The following UIMC1 variants were observed in gnomAD, a reference collection of about 807,000 sequenced individuals.
The protein encoded by UIMC1 is ubiquitin interaction motif containing 1, also known as BRCA1-A complex subunit RAP80.
A neutral mutation model predicts 84.9 loss-of-function variants in UIMC1; 42 were observed. That is an observed-to-expected ratio of 0.49 (90% CI 0.39 to 0.64). UIMC1 has a LOEUF of 0.64. UIMC1 is among the 30% of genes least tolerant of loss of function. The pLI is 0.00. For missense variants in UIMC1, 825 were observed against 847.6 expected (o/e 0.97, Z 0.33); for synonymous variants, 281 against 293.0 (o/e 0.96, Z 0.42).
intron 6 of UIMC1, 147 bp from the exon 7 acceptor site, chr5:176,958,301 T>C: frequency 3.4e-6 from 2 of 584,408 alleles, no homozygotes; most frequent in Admixed American, 3.1e-5. Context: ...TAAGTGTCAA[T>C]AAAACAAGCA....
At chr5:177,015,598 T>C (rs572007431) in intron 1 of UIMC1, among the ~76,000 whole-genome samples, 1 of 152,348 alleles carries the variant, frequency 6.6e-6, no homozygotes, top group South Asian at 2.1e-4. Context: ...GCTCATTTTC[T>C]ATGTGGACTA....
In UIMC1 at chr5:177,022,064, G is replaced by A. The variant is rs144445136; in HGVS notation, c.-9+400C>T. On this transcript the variant is annotated intron_variant, in intron 1 of 5. Transcript: ENST00000509236. ...TTCCTGGAACTGCTGTGCTGGGAAT[G>A]CCAGTGAGGTTGCTACTACAATAAC... 2.3e-3 allele frequency among the ~76,000 whole-genome samples: 356 copies of A among 152,324 alleles called. 2 individuals are homozygous for A. The highest frequency in any genetic ancestry group is 8.1e-3 in the African/African-American group (336 of 41,580).
chr5:177,006,493 C>T (rs1001114348), intron 1 of UIMC1, 157 bp downstream of exon 1: 1 of 152,148 alleles, frequency 6.6e-6, no homozygotes, highest in Non-Finnish European at 1.5e-5. Flanking sequence ...GCGAGAGACA[C>T]ACCCCGGCAT....
intron 6 of UIMC1, among the ~76,000 whole-genome samples, chr5:176,966,296 G>C (rs1561840557): frequency 6.6e-6 from 1 of 152,132 alleles, no homozygotes; most frequent in Non-Finnish European, 1.5e-5. Flanking sequence ...TCGAAAGATA[G>C]GAATTGTTAT....
At position 176,969,246 on chromosome 5, in the gene UIMC1, A is replaced by G. The variant is rs1324278222; in HGVS notation, c.509T>C (p.Ile170Thr). ...VPPSLFKGSH[I>T]SQGNEAEERE... ...TTCCTCAGCCTCGTTTCCCTGACTG[A>G]TATGTGAGCCTTTAAACAGTGATGG... Residue 170 changes from isoleucine to threonine, a missense_variant, in exon 6 of 15, where the codon ATC (isoleucine) becomes ACC (threonine). Transcript: ENST00000511320. 1.2e-6 allele frequency: 2 copies of G among 1,614,050 alleles called. No individual in the cohort carries two copies. Among genetic ancestry groups the G allele is most frequent in the South Asian group, 1.1e-5 (1 of 91,082 alleles).
At chr5:176,934,502 C>T (rs747190164) in intron 10 of UIMC1, among the ~76,000 whole-genome samples, 4 of 152,164 alleles carry the variant, frequency 2.6e-5, no homozygotes, top group Non-Finnish European at 5.9e-5. Context: ...ATGACTGTAG[C>T]ACCAAAGGCA....
chr5:176,905,978 G>C (rs1759308672), intron 14 of UIMC1, 33 bp downstream of exon 14: 1 of 1,613,644 alleles, frequency 6.2e-7, no homozygotes, highest in East Asian at 2.2e-5. Flanking sequence ...CAGAAATGCT[G>C]ACAGCCACAA....
chr5:176,921,427 C>T (rs1432041282), intron 10 of UIMC1, among the ~76,000 whole-genome samples: 1 of 152,226 alleles, frequency 6.6e-6, no homozygotes, highest in Non-Finnish European at 1.5e-5. Flanking sequence ...GTATATCCTG[C>T]TGTCTGCTCA....
intron 10 of UIMC1, among the ~76,000 whole-genome samples, chr5:176,940,049 G>GGAT (rs1444018866): frequency 6.6e-6 from 1 of 152,052 alleles, no homozygotes; most frequent in African/African-American, 2.4e-5. Flanking sequence ...CTCCCTGAAT[G>GGAT]GATGATGATG....
chr5:176,977,352 C>T (rs527261171), intron 2 of UIMC1, among the ~76,000 whole-genome samples: 1 of 151,322 alleles, frequency 6.6e-6, no homozygotes, highest in East Asian at 1.9e-4. Context: ...TAGATTTGAA[C>T]AACACTATCA....
intron 2 of UIMC1, among the ~76,000 whole-genome samples, chr5:176,977,068 C>A (rs1770194345): frequency 6.6e-6 from 1 of 151,882 alleles, no homozygotes; most frequent in Non-Finnish European, 1.5e-5. Context: ...ACTAAAAATA[C>A]AAAAATTTGC....
At chr5:176,963,613 G>A (rs75763260) in intron 6 of UIMC1, among the ~76,000 whole-genome samples, 14,877 of 151,550 alleles carry the variant, frequency 0.098, 1,522 homozygotes, top group African/African-American at 0.26. Context: ...AGTTTATTAG[G>A]TTTTTCCACA....
chr5:176,951,394 G>T, intron 9 of UIMC1, 80 bp downstream of exon 9: 1 of 1,102,430 alleles, frequency 9.1e-7, no homozygotes, highest in Non-Finnish European at 1.2e-6. Context: ...AATCTTTTCA[G>T]CCAATGTCAA....
At chr5:176,920,422 A>G (rs1204287942) in intron 10 of UIMC1, among the ~76,000 whole-genome samples, 1 of 152,212 alleles carries the variant, frequency 6.6e-6, no homozygotes, top group East Asian at 1.9e-4. Context: ...ATGAACAGGA[A>G]ATACCATTCC....
chr5:176,922,877 G>A (rs995456088), intron 10 of UIMC1, among the ~76,000 whole-genome samples: 7 of 152,200 alleles, frequency 4.6e-5, no homozygotes, highest in Non-Finnish European at 1.5e-5. Context: ...CACCTCTTAA[G>A]AGAACAGGCT....
chr5:176,960,635 CTCCG>C (rs1164481622), intron 6 of UIMC1, among the ~76,000 whole-genome samples: 1 of 2,048 alleles, frequency 4.9e-4, no homozygotes, highest in Non-Finnish European at 1.0e-3. Context: ...CCCCCTCCGT[CTCCG>C]TCTCCGTCTC....
chr5:176,947,460 A>G (rs558669132), intron 9 of UIMC1, among the ~76,000 whole-genome samples: 138 of 152,246 alleles, frequency 9.1e-4, no homozygotes, highest in African/African-American at 3.3e-3. Context: ...CTCATCATTT[A>G]CATTAGGTGT....
Position 176,908,520 on chromosome 5 carries a change from T to A in UIMC1, c.1848+3A>T, listed in dbSNP as rs747825295. The A allele has an allele frequency of 1.2e-6, 2 of 1,613,044 alleles. No homozygotes were observed. Among genetic ancestry groups the A allele is most frequent in the East Asian group, 4.5e-5 (2 of 44,876 alleles). ...GGCCTTTCCCAAAACACTCTACACATACCTTTGGGTTCTTCAGCCTCTGCT... is the reference window on the plus strand; with the variant it reads ...GGCCTTTCCCAAAACACTCTACACAAACCTTTGGGTTCTTCAGCCTCTGCT... On this transcript the variant is annotated splice_donor_region_variant and intron_variant, in intron 12 of 14. Transcript: ENST00000511320.
chr5:176,907,927 T>C (rs943374518), intron 12 of UIMC1, among the ~76,000 whole-genome samples: 7 of 152,210 alleles, frequency 4.6e-5, no homozygotes, highest in Non-Finnish European at 8.8e-5. Flanking sequence ...TTAAATACAA[T>C]CTTGTAACAC....
Sources: gnomAD v4.1 joint callset for allele counts (sites outside exome capture counted in the v4.1 genomes callset) on GRCh38, gnomAD v4.1.1 for gene constraint, MANE v1.5 for transcripts, NCBI Gene and HGNC (gene_info 2026-07-23, HGNC 2026-07-21) for gene names.